The following RAPGEF4 variants were observed in gnomAD, a reference collection of about 807,000 sequenced individuals.
RAPGEF4 encodes Rap guanine nucleotide exchange factor 4, also known as RAP guanine-nucleotide-exchange factor (GEF) 4.
Under a neutral mutation model 147.9 loss-of-function variants are expected in RAPGEF4, and 66 were observed. The ratio of observed to expected loss-of-function variants is 0.45; its 90% confidence interval spans 0.37 to 0.55. The LOEUF (loss-of-function observed/expected upper bound fraction) is 0.55, where lower values mean the gene tolerates loss of function less well. RAPGEF4 is among the 20% of genes least tolerant of loss of function. The pLI is 0.00. For missense variants in RAPGEF4, 1,071 were observed against 1,257.3 expected, an observed-to-expected ratio of 0.85 and a Z score of 2.24; for synonymous variants, 419 against 442.7, an observed-to-expected ratio of 0.95 and a Z score of 0.67.
At chr2:172,899,465 G>C (rs1301419508) in intron 4 of RAPGEF4, among the ~76,000 whole-genome samples, 1 of 152,216 alleles carries the variant, frequency 6.6e-6, no homozygotes, top group Admixed American at 6.5e-5. Flanking sequence ...ATTAAAGGTT[G>C]GATATACGGT....
chr2:172,946,527 G>A (rs1687692239), intron 6 of RAPGEF4, among the ~76,000 whole-genome samples: 1 of 152,094 alleles, frequency 6.6e-6, no homozygotes, highest in Non-Finnish European at 1.5e-5. Flanking sequence ...AACTCCAGCT[G>A]TAGGCTACAG....
At chr2:172,994,095 T>G (rs762897989) in intron 15 of RAPGEF4, among the ~76,000 whole-genome samples, 85 of 152,328 alleles carry the variant, frequency 5.6e-4, no homozygotes, top group Middle Eastern at 3.4e-3. Context: ...GGACACATTT[T>G]ACAAACTGAT....
intron 24 of RAPGEF4, 114 bp downstream of exon 24, chr2:173,026,811 T>C: frequency 2.9e-6 from 4 of 1,384,406 alleles, no homozygotes; most frequent in Non-Finnish European, 3.9e-6. Flanking sequence ...ACATGACCAT[T>C]TTTTTGCATA....
intron 5 of RAPGEF4, among the ~76,000 whole-genome samples, chr2:172,920,179 A>C (rs1156924528): frequency 6.6e-6 from 1 of 152,220 alleles, no homozygotes; most frequent in African/African-American, 2.4e-5. Flanking sequence ...ATAGTTTAAT[A>C]CTTCAATATA....
At chr2:172,774,985 G>A (rs1003918067) in intron 1 of RAPGEF4, among the ~76,000 whole-genome samples, 1 of 152,176 alleles carries the variant, frequency 6.6e-6, no homozygotes, top group Non-Finnish European at 1.5e-5. Flanking sequence ...CAGAGACTTG[G>A]GACTGGGATA....
At chr2:172,912,084 T>C (rs1262344179) in intron 4 of RAPGEF4, among the ~76,000 whole-genome samples, 2 of 152,122 alleles carry the variant, frequency 1.3e-5, no homozygotes, top group Non-Finnish European at 2.9e-5. Flanking sequence ...GCCTTCTGGG[T>C]TTTTAGTTCT....
chr2:172,807,466 AT>A (rs1687615268), intron 3 of RAPGEF4, among the ~76,000 whole-genome samples: 1 of 152,222 alleles, frequency 6.6e-6, no homozygotes, highest in Admixed American at 6.5e-5. Flanking sequence ...CCTGAGAAGT[AT>A]TTTGCCCTCT....
chr2:172,918,411 A>AC (rs56228538), intron 5 of RAPGEF4, among the ~76,000 whole-genome samples: 3 of 149,194 alleles, frequency 2.0e-5, no homozygotes, highest in African/African-American at 4.9e-5. Context: ...ACACACACAC[A>AC]AAGTGACTAT....
At chr2:172,980,992 C>A (rs1691623173) in intron 10 of RAPGEF4, among the ~76,000 whole-genome samples, 2 of 152,138 alleles carry the variant, frequency 1.3e-5, no homozygotes, top group Non-Finnish European at 2.9e-5. Flanking sequence ...TTGAGTAATA[C>A]AGATCTCATA....
intron 1 of RAPGEF4, among the ~76,000 whole-genome samples, chr2:172,788,323 G>A (rs1559041599): frequency 1.3e-5 from 2 of 152,290 alleles, no homozygotes; most frequent in Admixed American, 6.5e-5. Context: ...GGGGTTAGAT[G>A]CCAAAAAGAG....
chr2:172,934,211 G>A (rs551192150), intron 6 of RAPGEF4, among the ~76,000 whole-genome samples: 19 of 140,370 alleles, frequency 1.4e-4, no homozygotes, highest in South Asian at 2.3e-4. Context: ...GTGCGATGGC[G>A]CAATCTCGGC....
chr2:172,817,543 A>G (rs1454967787), intron 4 of RAPGEF4, among the ~76,000 whole-genome samples: 1 of 152,178 alleles, frequency 6.6e-6, no homozygotes, highest in Non-Finnish European at 1.5e-5. Flanking sequence ...ATCAAAAGGG[A>G]AGAACTATAC....
intron 4 of RAPGEF4, among the ~76,000 whole-genome samples, chr2:172,836,591 C>A (rs952218938): frequency 6.6e-6 from 1 of 152,208 alleles, no homozygotes; most frequent in African/African-American, 2.4e-5. Context: ...TGGAGCACTT[C>A]CTGCTTTCCA....
intron 6 of RAPGEF4, 104 bp from the exon 7 acceptor site, chr2:172,960,656 T>G (rs1689190471): frequency 1.3e-6 from 1 of 795,486 alleles, no homozygotes; most frequent in Admixed American, 3.3e-5. Context: ...AATTATATTT[T>G]GAGTTTTATA....
intron 4 of RAPGEF4, among the ~76,000 whole-genome samples, chr2:172,824,161 G>A (rs547779863): frequency 6.6e-6 from 1 of 152,318 alleles, no homozygotes; most frequent in East Asian, 1.9e-4. Context: ...GAACTTTTTG[G>A]TAACTTTCAT....
At chr2:172,753,089 T>C (rs576464315) in intron 1 of RAPGEF4, among the ~76,000 whole-genome samples, 6 of 152,104 alleles carry the variant, frequency 3.9e-5, no homozygotes, top group African/African-American at 1.4e-4. Flanking sequence ...ATCCTAAATA[T>C]CCACAGGAGA....
Position 173,005,191 on chromosome 2 carries a change from A to G in RAPGEF4, c.1658+3847A>G, listed in dbSNP as rs144655909. 6.5e-3 allele frequency among the ~76,000 whole-genome samples: 994 copies of G among 152,144 alleles called. 8 individuals carry two copies. The highest frequency in any genetic ancestry group is 0.024 in the Middle Eastern group (7 of 294). On this transcript the variant is annotated intron_variant, in intron 17 of 30. Transcript: ENST00000397081. ...TCCAGCTAAATCTTTGCTCATGTATATGAAAATGTACACACTTTAAATTCC... is the reference window on the plus strand; with the variant it reads ...TCCAGCTAAATCTTTGCTCATGTATGTGAAAATGTACACACTTTAAATTCC...
chr2:172,875,002 G>A (rs1191210351), intron 4 of RAPGEF4, among the ~76,000 whole-genome samples: 3 of 152,240 alleles, frequency 2.0e-5, no homozygotes, highest in Non-Finnish European at 2.9e-5. Flanking sequence ...GGCCAGTGAT[G>A]ATGAGCATTT....
At position 172,794,697 on chromosome 2, in the gene RAPGEF4, T is replaced by C. The variant is rs114722208; in HGVS notation, c.66-328T>C. On this transcript the variant is annotated intron_variant, in intron 1 of 30. Transcript: ENST00000397081. ...GCAGGCATTTGTGTTTGTGACTTCATTTTTTAGTAGAATCTGCATTTTCAT... is the reference window on the plus strand; with the variant it reads ...GCAGGCATTTGTGTTTGTGACTTCACTTTTTAGTAGAATCTGCATTTTCAT... Among the ~76,000 whole-genome samples the C allele has an allele frequency of 8.2e-3, 1,245 of 152,340 alleles. 21 individuals are homozygous for C. The highest frequency in any genetic ancestry group is 0.028 in the African/African-American group (1,160 of 41,570).
Sources: gnomAD v4.1 joint callset for allele counts (sites outside exome capture counted in the v4.1 genomes callset) on GRCh38, gnomAD v4.1.1 for gene constraint, MANE v1.5 for transcripts, NCBI Gene and HGNC (gene_info 2026-07-23, HGNC 2026-07-21) for gene names.